The following AOPEP variants were observed in gnomAD, a reference collection of about 807,000 sequenced individuals.
AOPEP encodes aminopeptidase O (putative).
A neutral mutation model predicts 98.1 loss-of-function variants in AOPEP; 77 were observed. That is an observed-to-expected ratio of 0.78 (90% CI 0.65 to 0.95). The LOEUF (loss-of-function observed/expected upper bound fraction) is 0.95, where lower values mean the gene tolerates loss of function less well. Among genes scored for constraint, AOPEP ranks in the 40% least tolerant of loss-of-function variants. The pLI is 0.00. For synonymous variants in AOPEP, 346 were observed against 365.3 expected, an observed-to-expected ratio of 0.95 and a Z score of 0.60; for missense variants, 1,024 against 1,024.7, an observed-to-expected ratio of 1.00 and a Z score of 0.01.
At chr9:95,108,756 TTAA>T in the AOPEP span, among the ~76,000 whole-genome samples, 41 of 152,236 alleles carry the variant, frequency 2.7e-4, no homozygotes, top group Non-Finnish European at 5.1e-4. Flanking sequence ...AGACTCACTG[TTAA>T]TAATTCGGTT....
intron 7 of AOPEP, among the ~76,000 whole-genome samples, chr9:94,953,574 G>A (rs999190420): frequency 7.2e-5 from 11 of 152,196 alleles, no homozygotes; most frequent in Non-Finnish European, 1.6e-4. Context: ...ATCAGGGAAG[G>A]TGGGTAGGAT....
chr9:95,099,014 T>C, the AOPEP span: 360 of 178,154 alleles, frequency 2.0e-3, no homozygotes, highest in Non-Finnish European at 3.3e-3. Context: ...GGGGGAGCTT[T>C]TTCCTGAGAG....
the AOPEP span, among the ~76,000 whole-genome samples, chr9:95,138,623 G>A: frequency 2.0e-5 from 3 of 152,332 alleles, no homozygotes; most frequent in South Asian, 4.1e-4. Flanking sequence ...TATGTCACTG[G>A]AAAGGCGTTT....
intron 1 of AOPEP, among the ~76,000 whole-genome samples, chr9:94,740,290 G>A (rs1416271795): frequency 6.6e-6 from 1 of 152,070 alleles, no homozygotes; most frequent in Non-Finnish European, 1.5e-5. Context: ...AATATTGCTT[G>A]GGCTATGAGA....
intron 2 of AOPEP, among the ~76,000 whole-genome samples, chr9:94,767,625 A>G (rs1050575893): frequency 1.3e-5 from 2 of 152,190 alleles, no homozygotes; most frequent in African/African-American, 2.4e-5. Flanking sequence ...GATTTTTTCC[A>G]TGTACACAAT....
At chr9:95,132,047 T>C in the AOPEP span, among the ~76,000 whole-genome samples, 1 of 152,190 alleles carries the variant, frequency 6.6e-6, no homozygotes, top group African/African-American at 2.4e-5. Flanking sequence ...TATTCTGATA[T>C]CAAATCTTAG....
chr9:95,046,311 CTT>C (rs945134840), intron 13 of AOPEP, among the ~76,000 whole-genome samples: 6 of 152,266 alleles, frequency 3.9e-5, no homozygotes, highest in Non-Finnish European at 8.8e-5. Context: ...TGGCTTTTTG[CTT>C]TTAAAAGTAC....
rs567628367 is a variant in AOPEP at position 95,082,868 on chromosome 9, CA to C, written c.*4+151del. On this transcript the variant is annotated intron_variant, in intron 16 of 16. Coordinates refer to ENST00000375315, the MANE Select transcript of AOPEP (RefSeq NM_001193329.3). ...GCCCAGGGCCTGGAGAGTAACTGGC[CA>C]AGTGGGTGCTGGGCTGGTATGGGAG... The C allele has an allele frequency of 1.0e-3, 863 of 864,384 alleles. 6 individuals carry two copies. In the East Asian group the frequency reaches 0.012, roughly 12 times the overall value. The allele number at this position is 864,384 out of a possible 1,614,324, so 53.5% of individuals were successfully genotyped here. A position where few individuals can be genotyped will look rare whatever the true frequency, so the allele number is the denominator to read the frequency against.
chr9:95,126,004 C>T, the AOPEP span, among the ~76,000 whole-genome samples: 4 of 152,122 alleles, frequency 2.6e-5, no homozygotes, highest in South Asian at 4.1e-4. Flanking sequence ...CGTCTCTTGC[C>T]GTCTGTAAAT....
At chr9:94,965,559 A>G (rs2059136255) in intron 9 of AOPEP, among the ~76,000 whole-genome samples, 2 of 152,246 alleles carry the variant, frequency 1.3e-5, no homozygotes, top group Non-Finnish European at 2.9e-5. Context: ...ATCCCTCTGT[A>G]ATTCTAGCTG....
intron 7 of AOPEP, chr9:94,931,837 C>T: frequency 6.6e-7 from 1 of 1,512,880 alleles, no homozygotes; most frequent in Non-Finnish European, 9.0e-7. Context: ...CTCCTGGCTT[C>T]TGTGTGTCTT....
intron 7 of AOPEP, among the ~76,000 whole-genome samples, chr9:94,937,901 C>T (rs1283312404): frequency 6.6e-6 from 1 of 152,162 alleles, no homozygotes; most frequent in East Asian, 1.9e-4. Context: ...GAGATGGAAT[C>T]TCGCTCTGTC....
At chr9:94,770,478 G>T (rs77698448) in intron 2 of AOPEP, among the ~76,000 whole-genome samples, 5,842 of 152,196 alleles carry the variant, frequency 0.038, 359 homozygotes, top group African/African-American at 0.13. Context: ...GTGTCTCAAG[G>T]TGTGCCAGGA....
At chr9:94,851,065 C>T (rs913848621) in intron 5 of AOPEP, among the ~76,000 whole-genome samples, 6 of 152,198 alleles carry the variant, frequency 3.9e-5, no homozygotes, top group Non-Finnish European at 7.3e-5. Context: ...AAGAAAATGA[C>T]GGAGAAGCGG....
intron 5 of AOPEP, among the ~76,000 whole-genome samples, chr9:94,845,512 G>C (rs1249595431): frequency 1.3e-5 from 2 of 152,178 alleles, no homozygotes; most frequent in Admixed American, 1.3e-4. Context: ...ACCCGTTTTG[G>C]GGGAACGGGA....
intron 14 of AOPEP, among the ~76,000 whole-genome samples, chr9:95,070,928 T>C (rs762145770): frequency 6.6e-6 from 1 of 152,228 alleles, no homozygotes; most frequent in Non-Finnish European, 1.5e-5. Context: ...TTGTACCCTC[T>C]GTCTGCTGGC....
At chr9:95,132,155 G>A in the AOPEP span, among the ~76,000 whole-genome samples, 2 of 152,276 alleles carry the variant, frequency 1.3e-5, no homozygotes, top group African/African-American at 4.8e-5. Flanking sequence ...ACCCAGCTGC[G>A]GGCGGGCTCT....
the AOPEP span, chr9:95,111,430 C>G: frequency 6.2e-7 from 1 of 1,605,012 alleles, no homozygotes; most frequent in South Asian, 1.1e-5. Context: ...CCAGAGCCCA[C>G]CCCAAACACA....
chr9:94,996,325 C>A (rs866069802), intron 11 of AOPEP, among the ~76,000 whole-genome samples: 2 of 151,300 alleles, frequency 1.3e-5, no homozygotes, highest in African/African-American at 2.4e-5. Context: ...CTCCACCCCC[C>A]ACATGTGGTG....
Sources: gnomAD v4.1 joint callset for allele counts (sites outside exome capture counted in the v4.1 genomes callset) on GRCh38, gnomAD v4.1.1 for gene constraint, MANE v1.5 for transcripts, NCBI Gene and HGNC (gene_info 2026-07-23, HGNC 2026-07-21) for gene names.